Variants in IGF2BP1 observed in about 807,000 individuals in gnomAD.
IGF2BP1 encodes insulin like growth factor 2 mRNA binding protein 1, also known as insulin-like growth factor 2 mRNA-binding protein 1.
A neutral mutation model predicts 74.9 loss-of-function variants in IGF2BP1; 11 were observed. That is an observed-to-expected ratio of 0.15 (90% CI 0.09 to 0.24). The LOEUF is 0.24. IGF2BP1 is among the 10% of genes least tolerant of loss of function. IGF2BP1 has a pLI of 1.00. For synonymous variants in IGF2BP1, 287 were observed against 281.8 expected (o/e 1.02, Z -0.18); for missense variants, 440 against 757.4 (o/e 0.58, Z 4.92).
At chr17:49,005,652 C>T (rs1197123551) in intron 2 of IGF2BP1, among the ~76,000 whole-genome samples, 1 of 152,102 alleles carries the variant, frequency 6.6e-6, no homozygotes, top group South Asian at 2.1e-4. Context: ...CCCTTTCTAC[C>T]ATGTCTGGTT....
At chr17:49,017,098 G>C (rs1368033057) in intron 2 of IGF2BP1, among the ~76,000 whole-genome samples, 1 of 151,940 alleles carries the variant, frequency 6.6e-6, no homozygotes, top group Non-Finnish European at 1.5e-5. Flanking sequence ...GGCACCTTAG[G>C]GCAACTTCCA....
At chr17:49,012,873 G>A (rs947983578) in intron 2 of IGF2BP1, 13 of 152,092 alleles carry the variant, frequency 8.5e-5, no homozygotes, top group African/African-American at 3.1e-4. Context: ...GGGTTTACAG[G>A]CACCAGCCAC....
intron 4 of IGF2BP1, among the ~76,000 whole-genome samples, chr17:49,029,756 T>A (rs561552234): frequency 6.6e-6 from 1 of 152,070 alleles, no homozygotes; most frequent in South Asian, 2.1e-4. Flanking sequence ...GCATCCCAAG[T>A]AGCTGGGACT....
intron 2 of IGF2BP1, chr17:49,013,478 G>C (rs1259147618): frequency 1.3e-5 from 2 of 152,544 alleles, no homozygotes; most frequent in Non-Finnish European, 2.9e-5. Flanking sequence ...CGCCTCCCGG[G>C]CCATTTTCTC....
intron 2 of IGF2BP1, among the ~76,000 whole-genome samples, chr17:49,003,972 AAGAG>A (rs368309356): frequency 2.0e-5 from 3 of 152,120 alleles, no homozygotes; most frequent in African/African-American, 2.4e-5. Flanking sequence ...CCTTTCAAAA[AAGAG>A]AGAGAGTAGA....
At chr17:49,009,344 T>G (rs1288114648) in intron 2 of IGF2BP1, among the ~76,000 whole-genome samples, 1 of 149,010 alleles carries the variant, frequency 6.7e-6, no homozygotes, top group Non-Finnish European at 1.5e-5. Flanking sequence ...AAATATAATT[T>G]AACAGATATT....
intron 2 of IGF2BP1, among the ~76,000 whole-genome samples, chr17:49,009,321 C>T (rs1487335521): frequency 2.0e-5 from 3 of 152,064 alleles, no homozygotes; most frequent in Non-Finnish European, 2.9e-5. Flanking sequence ...CGTGAGCCAC[C>T]GTGCCCTGCT....
chr17:49,022,969 C>A (rs928422151), intron 2 of IGF2BP1, among the ~76,000 whole-genome samples: 4 of 152,268 alleles, frequency 2.6e-5, no homozygotes, highest in African/African-American at 9.6e-5. Flanking sequence ...TGGGCCTGGG[C>A]CGAAGCAATA....
chr17:49,046,079 C>G (rs770115574), intron 13 of IGF2BP1, 58 bp downstream of exon 13: 1 of 1,592,046 alleles, frequency 6.3e-7, no homozygotes, highest in Non-Finnish European at 8.6e-7. Context: ...CTCAGCAGCT[C>G]TCTCTGGTCT....
chr17:49,026,352 A>G (rs1329957796), intron 3 of IGF2BP1, 114 bp from the exon 4 acceptor site: 1 of 869,426 alleles, frequency 1.2e-6, no homozygotes, highest in East Asian at 2.4e-5. Flanking sequence ...ATGCTCAAAC[A>G]CTCCTATGGC....
At chr17:49,026,663 T>G (rs1278966463) in intron 4 of IGF2BP1, 146 bp downstream of exon 4, 9 of 629,228 alleles carry the variant, frequency 1.4e-5, no homozygotes, top group African/African-American at 7.5e-5. Context: ...CTTCCTGCCT[T>G]CCTGCCTTCC....
At chr17:49,044,918 GA>G in intron 11 of IGF2BP1, 72 bp from the exon 12 acceptor site, 1 of 1,282,750 alleles carries the variant, frequency 7.8e-7, no homozygotes, top group Non-Finnish European at 1.1e-6. Context: ...GGTAGAAGGG[GA>G]ACTGGATGAA....
intron 2 of IGF2BP1, among the ~76,000 whole-genome samples, chr17:49,014,362 C>A (rs913500881): frequency 6.6e-6 from 1 of 150,686 alleles, no homozygotes; most frequent in African/African-American, 2.4e-5. Flanking sequence ...CGCTCTGCTG[C>A]GCTTTCCCCT....
chr17:49,054,960 C>G lies in IGF2BP1; in HGVS notation c.*5516C>G, dbSNP rs865837063. The stretch of plus-strand genomic sequence containing the variant: ...ACTGGGCGATCCCAGCCCCTCCCCA[C>G]CCACCCTCTAATGGACCTCCTCATA... On this transcript the variant is annotated 3_prime_UTR_variant, in exon 15 of 15. Coordinates refer to ENST00000290341, the MANE Select transcript of IGF2BP1 (RefSeq NM_006546.4). The G allele has an allele frequency of 6.6e-6, 1 of 150,518 alleles. No individual in the cohort carries two copies. Among genetic ancestry groups the G allele is most frequent in the African/African-American group, 2.5e-5 (1 of 40,658 alleles). The allele number at this position is 150,518 out of a possible 1,614,324, so 9.3% of individuals were successfully genotyped here. A position where few individuals can be genotyped will look rare whatever the true frequency, so the allele number is the denominator to read the frequency against.
intron 2 of IGF2BP1, among the ~76,000 whole-genome samples, chr17:49,010,552 G>C (rs1024304413): frequency 2.6e-5 from 4 of 151,876 alleles, no homozygotes; most frequent in South Asian, 2.1e-4. Flanking sequence ...TCCTGACCTC[G>C]TGATCTGCCC....
chr17:49,034,756 C>CAAAAAAAAACA (rs11388257), intron 5 of IGF2BP1, among the ~76,000 whole-genome samples: 11 of 136,208 alleles, frequency 8.1e-5, no homozygotes, highest in East Asian at 4.2e-4. Flanking sequence ...ACAAAAAAAA[C>CAAAAAAAAACA]AAAAAAAACA....
chr17:49,008,487 A>G lies in IGF2BP1; in HGVS notation c.236+9318A>G, dbSNP rs571994283. On this transcript the variant is annotated intron_variant, in intron 2 of 14. Coordinates refer to ENST00000290341, the MANE Select transcript of IGF2BP1 (RefSeq NM_006546.4). ...AGTGGAGTGATTGCTGTCCAGAATG[A>G]GCTCTGGGTGTAGGCAGGAGGTGGA... 2.6e-5 allele frequency among the ~76,000 whole-genome samples: 4 copies of G among 152,286 alleles called. No individual in the cohort carries two copies. In the South Asian group the frequency reaches 8.3e-4, roughly 32 times the overall value.
chr17:49,009,947 G>A (rs2041596629), intron 2 of IGF2BP1, among the ~76,000 whole-genome samples: 1 of 151,858 alleles, frequency 6.6e-6, no homozygotes, highest in African/African-American at 2.4e-5. Flanking sequence ...GGGCGTGGTG[G>A]CGTGCGCCTG....
intron 2 of IGF2BP1, among the ~76,000 whole-genome samples, chr17:49,023,986 G>A (rs1258515104): frequency 2.0e-5 from 3 of 149,930 alleles, no homozygotes; most frequent in South Asian, 2.1e-4. Flanking sequence ...GTGTGATTTC[G>A]GCTCACTGCA....
Sources: gnomAD v4.1 joint callset for allele counts (sites outside exome capture counted in the v4.1 genomes callset) on GRCh38, gnomAD v4.1.1 for gene constraint, MANE v1.5 for transcripts, NCBI Gene and HGNC (gene_info 2026-07-23, HGNC 2026-07-21) for gene names.